The following PPFIA2 variants were observed in gnomAD, a reference collection of about 807,000 sequenced individuals.
The protein encoded by PPFIA2 is liprin-alpha-2.
Under a neutral mutation model 175.5 loss-of-function variants are expected in PPFIA2, and 46 were observed. The observed-to-expected ratio is 0.26, with a 90% CI of 0.21 to 0.34. The LOEUF (loss-of-function observed/expected upper bound fraction) is 0.34, where lower values mean the gene tolerates loss of function less well. PPFIA2 is among the 10% of genes least tolerant of loss of function. The pLI is 1.00. For synonymous variants in PPFIA2, 568 were observed against 511.4 expected (o/e 1.11, Z -1.49); for missense variants, 1,179 against 1,506.1 (o/e 0.78, Z 3.60).
At chr12:81,589,856 C>T (rs2058472937) in intron 4 of PPFIA2, among the ~76,000 whole-genome samples, 1 of 152,026 alleles carries the variant, frequency 6.6e-6, no homozygotes, top group Non-Finnish European at 1.5e-5. Flanking sequence ...TCGTCCAAAT[C>T]CCAACCAAGG....
intron 4 of PPFIA2, among the ~76,000 whole-genome samples, chr12:81,646,735 T>C (rs1205299689): frequency 6.6e-6 from 1 of 152,190 alleles, no homozygotes; most frequent in African/African-American, 2.4e-5. Flanking sequence ...AACTACTTTC[T>C]GCTAACTCAA....
intron 21 of PPFIA2, among the ~76,000 whole-genome samples, chr12:81,329,701 C>T (rs922807653): frequency 3.3e-5 from 5 of 152,140 alleles, no homozygotes; most frequent in South Asian, 2.1e-4. Flanking sequence ...CGAGTGCATG[C>T]GTGGCGTAGA....
chr12:81,321,839 G>C (rs1208012286), intron 22 of PPFIA2, among the ~76,000 whole-genome samples: 1 of 152,076 alleles, frequency 6.6e-6, no homozygotes, highest in Non-Finnish European at 1.5e-5. Flanking sequence ...AGGAATTTTG[G>C]GGGGCAGGCC....
At chr12:81,345,080 A>G (rs891522612) in intron 18 of PPFIA2, among the ~76,000 whole-genome samples, 1 of 152,164 alleles carries the variant, frequency 6.6e-6, no homozygotes, top group Non-Finnish European at 1.5e-5. Flanking sequence ...TCCAATGCAT[A>G]TACAAGGAGT....
intron 5 of PPFIA2, among the ~76,000 whole-genome samples, chr12:81,456,323 T>A (rs182123067): frequency 6.6e-6 from 1 of 152,222 alleles, no homozygotes; most frequent in Admixed American, 6.5e-5. Context: ...ATGCCCTGTT[T>A]GAGGCAATCC....
intron 4 of PPFIA2, among the ~76,000 whole-genome samples, chr12:81,484,922 CAGTA>C (rs2058657132): frequency 6.6e-6 from 1 of 151,556 alleles, no homozygotes; most frequent in Non-Finnish European, 1.5e-5. Flanking sequence ...GAAAGTGATT[CAGTA>C]AGTGATATGA....
At chr12:81,683,242 A>G (rs2073946142) in intron 3 of PPFIA2, among the ~76,000 whole-genome samples, 1 of 152,034 alleles carries the variant, frequency 6.6e-6, no homozygotes, top group East Asian at 1.9e-4. Flanking sequence ...CACTAAGTCT[A>G]TTGTAAAAAT....
intron 3 of PPFIA2, among the ~76,000 whole-genome samples, chr12:81,683,034 A>T (rs2153578173): frequency 6.6e-6 from 1 of 152,038 alleles, no homozygotes; most frequent in East Asian, 1.9e-4. Context: ...GCTTCAACTT[A>T]TCCTCTGAGA....
At chr12:81,413,026 C>T (rs747487850) in intron 7 of PPFIA2, among the ~76,000 whole-genome samples, 12 of 151,766 alleles carry the variant, frequency 7.9e-5, no homozygotes, top group African/African-American at 2.2e-4. Context: ...CAGATGAATT[C>T]GGGGACAATA....
chr12:81,688,930 C>T (rs566466295), intron 3 of PPFIA2, among the ~76,000 whole-genome samples: 18 of 150,908 alleles, frequency 1.2e-4, no homozygotes, highest in Non-Finnish European at 2.4e-4. Context: ...TTAATATAAA[C>T]AGTTTCAAGG....
chr12:81,340,033 T>G (rs919877472), intron 20 of PPFIA2, among the ~76,000 whole-genome samples: 3 of 152,158 alleles, frequency 2.0e-5, no homozygotes, highest in Admixed American at 6.6e-5. Flanking sequence ...CAATAGACAT[T>G]GTTATTAGTT....
chr12:81,597,927 G>T (rs1465236438), intron 4 of PPFIA2: 3 of 1,532,126 alleles, frequency 2.0e-6, no homozygotes, highest in Non-Finnish European at 2.6e-6. Flanking sequence ...TTACTAAGTA[G>T]TGAAGCCATT....
At chr12:81,727,359 C>T (rs927181219) in intron 3 of PPFIA2, among the ~76,000 whole-genome samples, 6 of 151,208 alleles carry the variant, frequency 4.0e-5, no homozygotes, top group African/African-American at 7.3e-5. Context: ...TTGGCTGTTT[C>T]GAACATTAAT....
chr12:81,512,942 T>C (rs1268152077), intron 4 of PPFIA2, among the ~76,000 whole-genome samples: 3 of 151,920 alleles, frequency 2.0e-5, no homozygotes, highest in Non-Finnish European at 2.9e-5. Context: ...GAAAAATAAA[T>C]AATCAGCAGA....
intron 4 of PPFIA2, among the ~76,000 whole-genome samples, chr12:81,511,654 T>C (rs2061812655): frequency 6.6e-6 from 1 of 152,060 alleles, no homozygotes; most frequent in Admixed American, 6.6e-5. Flanking sequence ...TTTCATACCT[T>C]TGGCATCTAC....
At chr12:81,405,061 C>T (rs1347879236) in intron 8 of PPFIA2, among the ~76,000 whole-genome samples, 1 of 152,126 alleles carries the variant, frequency 6.6e-6, no homozygotes, top group African/African-American at 2.4e-5. Flanking sequence ...CTAGACCTAC[C>T]AATAACTTAC....
chr12:81,598,135 T>A, intron 4 of PPFIA2: 1 of 1,492,714 alleles, frequency 6.7e-7, no homozygotes, highest in East Asian at 2.5e-5. Context: ...GACTAGAGGG[T>A]AAAATGAAAT....
At chr12:81,577,852 T>C (rs1290817162) in intron 4 of PPFIA2, among the ~76,000 whole-genome samples, 1 of 151,752 alleles carries the variant, frequency 6.6e-6, no homozygotes, top group African/African-American at 2.4e-5. Context: ...TATCCCAAAA[T>C]TTAGTGGCTT....
chr12:81,406,799 T>C (rs556765130), intron 7 of PPFIA2, among the ~76,000 whole-genome samples: 1 of 152,270 alleles, frequency 6.6e-6, no homozygotes, highest in South Asian at 2.1e-4. Context: ...GAAATAAAGG[T>C]ACATAGTATT....
Sources: gnomAD v4.1 joint callset for allele counts (sites outside exome capture counted in the v4.1 genomes callset) on GRCh38, gnomAD v4.1.1 for gene constraint, MANE v1.5 for transcripts, NCBI Gene and HGNC (gene_info 2026-07-23, HGNC 2026-07-21) for gene names.